Variants in BMP8A observed in about 807,000 individuals in gnomAD.
BMP8A encodes BMP-8A.
Under a neutral mutation model 36.8 loss-of-function variants are expected in BMP8A, and 14 were observed. The observed-to-expected ratio is 0.38, with a 90% CI of 0.25 to 0.60. BMP8A has a LOEUF of 0.60. BMP8A is among the 20% of genes least tolerant of loss of function. The pLI, the probability that BMP8A is intolerant of heterozygous loss-of-function variation, is 0.63. For missense variants in BMP8A, 267 were observed against 551.1 expected (o/e 0.48, Z 5.16); for synonymous variants, 120 against 237.7 (o/e 0.50, Z 4.55).
At chr1:39,525,095 A>C (rs539065473) in intron 6 of BMP8A, 1 of 154,774 alleles carries the variant, frequency 6.5e-6, no homozygotes, top group South Asian at 2.0e-4. Context: ...GAGCCAGGGG[A>C]GTGGAGAGGT....
At chr1:39,509,481 C>A (rs1474220130) in intron 1 of BMP8A, among the ~76,000 whole-genome samples, 1 of 152,188 alleles carries the variant, frequency 6.6e-6, no homozygotes, top group African/African-American at 2.4e-5. Flanking sequence ...GGCATCTGAG[C>A]AGCCCGGCTC....
At chr1:39,509,671 G>A (rs1240834368) in intron 1 of BMP8A, among the ~76,000 whole-genome samples, 9 of 152,296 alleles carry the variant, frequency 5.9e-5, no homozygotes, top group African/African-American at 1.9e-4. Context: ...TTCCCACCAC[G>A]AGGACAGGAA....
Position 39,514,875 on chromosome 1 carries a change from G to A in BMP8A, c.673+2971G>A, listed in dbSNP as rs1645383160. The A allele has an allele frequency of 8.3e-6, 11 of 1,330,482 alleles. No homozygotes were observed. The South Asian group carries it at 1.6e-4, about 19-fold the overall frequency. 82.4% of individuals were successfully genotyped at this position (1,330,482 alleles called of 1,614,324 possible). ...GGAGGGAGTGCGTCAGGGCGCGGGC[G>A]CCCGCCCTGCTCTGTGACGCGCGGC... is the stretch of plus-strand genomic sequence containing the variant. On this transcript the variant is annotated intron_variant, in intron 3 of 6. Coordinates refer to ENST00000331593, the MANE Select transcript of BMP8A (RefSeq NM_181809.4).
At position 39,524,880 on chromosome 1, in the gene BMP8A, C is replaced by T; in HGVS notation, c.1060-769C>T. On this transcript the variant is annotated intron_variant, in intron 6 of 6. Coordinates refer to ENST00000331593, the MANE Select transcript of BMP8A (RefSeq NM_181809.4). This position sits in a 1 kb window ranked among gnomAD's most constrained non-coding sequence, Gnocchi z 4.0. ...CGACTGGGCAGGTGGTCCGAGGCAG[C>T]ACGGAGGTGGAGGTTGAGCCAGGGG... is the stretch of plus-strand genomic sequence containing the variant. The T allele has an allele frequency of 6.6e-6, 1 of 152,602 alleles. No homozygotes were observed. The highest frequency in any genetic ancestry group is 1.5e-5 in the Non-Finnish European group (1 of 68,344). 9.5% of individuals were successfully genotyped at this position (152,602 alleles called of 1,614,324 possible). A position where few individuals can be genotyped will look rare whatever the true frequency, so the allele number is the denominator to read the frequency against.
intron 1 of BMP8A, among the ~76,000 whole-genome samples, chr1:39,498,253 G>A (rs926078109): frequency 9.9e-5 from 15 of 152,184 alleles, no homozygotes; most frequent in African/African-American, 3.4e-4. Context: ...GGCACAGGGT[G>A]GGGAGGTGCA....
At chr1:39,492,626 G>T (rs1645171261) in intron 1 of BMP8A, among the ~76,000 whole-genome samples, 1 of 152,220 alleles carries the variant, frequency 6.6e-6, no homozygotes, top group Admixed American at 6.5e-5. Flanking sequence ...GGGCTGCCCC[G>T]GGAAGACAGC....
rs1375208653 is a variant in BMP8A at position 39,529,806 on chromosome 1, G to A, written c.*4008G>A. Among the ~76,000 whole-genome samples, 1 of 152,102 alleles carries A rather than the reference G, an allele frequency of 6.6e-6. No homozygotes were observed. The highest frequency in any genetic ancestry group is 1.5e-5 in the Non-Finnish European group (1 of 68,018). ...CTACTCTATGCACTGCTTGGTGATC[G>A]GATCTATTCAATGTACAAAATATTT... On this transcript the variant is annotated 3_prime_UTR_variant, in exon 7 of 7. Transcript: ENST00000331593.
intron 5 of BMP8A, among the ~76,000 whole-genome samples, chr1:39,522,714 A>C (rs1285240942): frequency 6.6e-6 from 1 of 152,110 alleles, no homozygotes; most frequent in Non-Finnish European, 1.5e-5. Context: ...CAACCAACTA[A>C]GCTGTCAGCA....
chr1:39,502,620 G>A (rs1645262960), intron 1 of BMP8A, among the ~76,000 whole-genome samples: 1 of 152,198 alleles, frequency 6.6e-6, no homozygotes, highest in African/African-American at 2.4e-5. Context: ...CAGTCAGAAG[G>A]ACACAGGAGC....
intron 6 of BMP8A, chr1:39,523,521 T>C (rs1645451468): frequency 2.2e-6 from 3 of 1,362,550 alleles, no homozygotes; most frequent in South Asian, 1.8e-5. Context: ...GCCTGTGATA[T>C]GTGCGCACAG....
chr1:39,517,584 C>T (rs1645402935), intron 3 of BMP8A, among the ~76,000 whole-genome samples: 2 of 152,196 alleles, frequency 1.3e-5, no homozygotes, highest in East Asian at 1.9e-4. Context: ...CTTGGCCTCC[C>T]AAAGTACAGG....
Position 39,492,112 on chromosome 1 carries a change from C to G in BMP8A, c.121C>G (p.Arg41Gly). The part of the protein sequence containing the change: ...CPQRRLGARE[R>G]RDVQREILAV... ...CCAGCGACGTCTGGGCGCGCGCGAG[C>G]GCCGGGACGTGCAGCGCGAGATCCT... The change falls in exon 1 of 7, where the codon CGC (arginine) becomes GGC (glycine). Residue 41 changes from arginine to glycine, a missense_variant. Physicochemically the swap from Arg to Gly is moderately radical, Grantham distance 125. Around this residue, in one of 7 missense-constraint regions of BMP8A, gnomAD observed 56 missense variants for 74.1 expected, o/e 0.76. Transcript: ENST00000331593. The G allele has an allele frequency of 1.7e-6, 2 of 1,192,702 alleles. No individual in the cohort carries two copies. Among genetic ancestry groups the G allele is most frequent in the Non-Finnish European group, 2.1e-6 (2 of 965,168 alleles). 73.9% of individuals were successfully genotyped at this position (1,192,702 alleles called of 1,614,324 possible).
At chr1:39,523,457 G>T in intron 6 of BMP8A, 1 of 1,240,532 alleles carries the variant, frequency 8.1e-7, no homozygotes, top group Non-Finnish European at 1.1e-6. Context: ...TACACTGTGT[G>T]GGGGCTGTGT....
intron 1 of BMP8A, among the ~76,000 whole-genome samples, chr1:39,505,850 G>T (rs1340566707): frequency 6.6e-6 from 1 of 152,058 alleles, no homozygotes; most frequent in Non-Finnish European, 1.5e-5. Flanking sequence ...GCTGGGCATG[G>T]TGGGGTGTAC....
At chr1:39,521,923 G>A (rs1284049511) in intron 4 of BMP8A, among the ~76,000 whole-genome samples, 11 of 50,448 alleles carry the variant, frequency 2.2e-4, no homozygotes, top group African/African-American at 5.3e-4. Context: ...TTGCTTATGC[G>A]AGTTTTCTCC....
At chr1:39,511,534 TC>T (rs1645355615) in intron 2 of BMP8A, among the ~76,000 whole-genome samples, 171 bp downstream of exon 2, 1 of 143,946 alleles carries the variant, frequency 6.9e-6, no homozygotes, top group Non-Finnish European at 1.5e-5. Context: ...AATCCTGACT[TC>T]AAGTCCCTGC....
chr1:39,525,823 G>A lies in BMP8A; in HGVS notation c.*25G>A. The A allele has an allele frequency of 1.2e-6, 2 of 1,613,148 alleles. No homozygotes were observed. The highest frequency in any genetic ancestry group is 2.2e-5 in the South Asian group (2 of 91,078). Reference sequence around the variant, plus strand: ...AGTCAGCCCGCCCAGCCCTACTGCAGCCACCCTTCTCATCTGGATCGGGCC... The same window carrying A: ...AGTCAGCCCGCCCAGCCCTACTGCAACCACCCTTCTCATCTGGATCGGGCC... On this transcript the variant is annotated 3_prime_UTR_variant, in exon 7 of 7. Coordinates refer to ENST00000331593, the MANE Select transcript of BMP8A (RefSeq NM_181809.4).
chr1:39,504,155 C>T (rs1050334473), intron 1 of BMP8A, among the ~76,000 whole-genome samples: 14 of 152,270 alleles, frequency 9.2e-5, no homozygotes, highest in East Asian at 7.7e-4. Context: ...TGCCCCTCCA[C>T]GCCTGTGGGT....
chr1:39,493,153 A>G (rs1484013431), intron 1 of BMP8A, among the ~76,000 whole-genome samples: 3 of 152,150 alleles, frequency 2.0e-5, no homozygotes, highest in Non-Finnish European at 4.4e-5. Context: ...GTCTGTGGCT[A>G]GTGACAGGCC....
Sources: gnomAD v4.1 joint callset for allele counts (sites outside exome capture counted in the v4.1 genomes callset) on GRCh38, gnomAD v4.1.1 for gene constraint, gnomAD v4.1.1 regional missense constraint, Gnocchi (gnomAD v3.1) non-coding constraint, MANE v1.5 for transcripts, NCBI Gene and HGNC (gene_info 2026-07-23, HGNC 2026-07-21) for gene names.